Variants in XAF1 observed in about 807,000 individuals in gnomAD.
XAF1 encodes XIAP-associated factor 1.
A neutral mutation model predicts 32.3 loss-of-function variants in XAF1; 32 were observed. The ratio of observed to expected loss-of-function variants is 0.99; its 90% CI spans 0.75 to 1.33. The LOEUF is 1.33. Ranked by LOEUF, XAF1 falls within the 40% of genes most tolerant of loss-of-function variation. XAF1 has a pLI of 0.00. For synonymous variants in XAF1, 120 were observed against 125.9 expected, an observed-to-expected ratio of 0.95 and a Z score of 0.31; for missense variants, 379 against 366.0, an observed-to-expected ratio of 1.04 and a Z score of -0.29.
intron 1 of XAF1, 48 bp downstream of exon 1, chr17:6,756,158 G>C: frequency 2.5e-6 from 4 of 1,613,744 alleles, no homozygotes; most frequent in Non-Finnish European, 3.4e-6. Context: ...GCGAGGGAGA[G>C]ACGTAGACGA....
chr17:6,772,237 T>TA (rs889095314), intron 6 of XAF1, among the ~76,000 whole-genome samples: 1 of 152,096 alleles, frequency 6.6e-6, no homozygotes, highest in African/African-American at 2.4e-5. Context: ...ATTTAGCAAA[T>TA]AAAAATACAG....
chr17:6,770,141 G>A (rs1975908643), intron 5 of XAF1, among the ~76,000 whole-genome samples: 1 of 152,216 alleles, frequency 6.6e-6, no homozygotes, highest in African/African-American at 2.4e-5. Context: ...GGATGCCACA[G>A]ACAGAGTAAT....
chr17:6,770,148 TA>T (rs1181029647), intron 5 of XAF1, among the ~76,000 whole-genome samples: 1 of 152,060 alleles, frequency 6.6e-6, no homozygotes, highest in African/African-American at 2.4e-5. Flanking sequence ...ACAGACAGAG[TA>T]ATAATAAAGA....
intron 5 of XAF1, among the ~76,000 whole-genome samples, chr17:6,763,650 A>G (rs998656938): frequency 6.6e-6 from 1 of 152,054 alleles, no homozygotes; most frequent in Admixed American, 6.6e-5. Flanking sequence ...GTTGGTAAAC[A>G]TTCGGATTGT....
intron 5 of XAF1, among the ~76,000 whole-genome samples, chr17:6,769,133 T>C (rs1378956084): frequency 1.3e-5 from 2 of 152,160 alleles, no homozygotes; most frequent in African/African-American, 4.8e-5. Flanking sequence ...CTATCTCTTA[T>C]ATTCTGGGTA....
At chr17:6,765,687 C>G (rs911064302) in intron 5 of XAF1, among the ~76,000 whole-genome samples, 1 of 152,192 alleles carries the variant, frequency 6.6e-6, no homozygotes, top group African/African-American at 2.4e-5. Context: ...CTCTCGACTT[C>G]TCTTTCCCTC....
At chr17:6,761,829 C>G in intron 4 of XAF1, 1 of 1,357,066 alleles carries the variant, frequency 7.4e-7, no homozygotes, top group Admixed American at 2.2e-5. Context: ...AATGAAAGAG[C>G]ACAGTCAGAA....
At chr17:6,757,750 T>C (rs1428488062) in intron 1 of XAF1, among the ~76,000 whole-genome samples, 2 of 139,820 alleles carry the variant, frequency 1.4e-5, no homozygotes, top group Non-Finnish European at 3.1e-5. Flanking sequence ...GCCTAAGTTA[T>C]ATACATCCAT....
In XAF1 at chr17:6,775,050, A is replaced by G. The variant is rs1273686617; in HGVS notation, c.*1881A>G. 1 of 152,216 alleles carries G rather than the reference A, an allele frequency of 6.6e-6. No homozygotes were observed. Among genetic ancestry groups the G allele is most frequent in the Non-Finnish European group, 1.5e-5 (1 of 68,086 alleles). The allele number at this position is 152,216 out of a possible 1,614,324, so 9.4% of individuals were successfully genotyped here. A position where few individuals can be genotyped will look rare whatever the true frequency, so the allele number is the denominator to read the frequency against. On this transcript the variant is annotated 3_prime_UTR_variant, in exon 7 of 7. Coordinates refer to ENST00000361842, the MANE Select transcript of XAF1 (RefSeq NM_017523.5). The stretch of plus-strand genomic sequence containing the variant: ...AGCGAGACTCTGCCTTAAAAAAAAA[A>G]AAAAGAAAATGTGGCACATATACAC...
At chr17:6,759,613 G>A (rs770013852) in intron 2 of XAF1, 49 bp from the exon 3 acceptor site, 3 of 1,605,888 alleles carry the variant, frequency 1.9e-6, no homozygotes, top group African/African-American at 2.7e-5. Flanking sequence ...CCTGGGTGCT[G>A]GGTGGACCCA....
At chr17:6,766,119 C>A (rs1385732520) in intron 5 of XAF1, among the ~76,000 whole-genome samples, 2 of 152,180 alleles carry the variant, frequency 1.3e-5, no homozygotes, top group Non-Finnish European at 2.9e-5. Flanking sequence ...TCTCTCACTT[C>A]TCTCAAGTCT....
intron 5 of XAF1, among the ~76,000 whole-genome samples, chr17:6,763,685 T>C (rs1975387526): frequency 6.6e-6 from 1 of 152,152 alleles, no homozygotes; most frequent in African/African-American, 2.4e-5. Flanking sequence ...TCTTTGCTTT[T>C]TGAAGTGCAG....
intron 5 of XAF1, among the ~76,000 whole-genome samples, chr17:6,764,320 A>G (rs1038906168): frequency 3.3e-5 from 5 of 152,096 alleles, no homozygotes; most frequent in Non-Finnish European, 5.9e-5. Context: ...TGCCTCTCTA[A>G]AGCCTATCCC....
At chr17:6,768,672 C>T (rs546276662) in intron 5 of XAF1, among the ~76,000 whole-genome samples, 14 of 152,236 alleles carry the variant, frequency 9.2e-5, no homozygotes, top group Non-Finnish European at 2.1e-4. Flanking sequence ...GATTATTCCA[C>T]TGCCATCCCA....
In XAF1 at chr17:6,758,109, C is replaced by A; in HGVS notation, c.53C>A (p.Ala18Asp). ...TGTAGTAAAAGACATGTAGTCTCTG[C>A]CAACTTCACCCTCCATGAGGCTTAC... Reference protein sequence around the residue: ...CRNCKRHVVSANFTLHEAYCL... With the variant: ...CRNCKRHVVSDNFTLHEAYCL... The change falls in exon 2 of 7, where the codon GCC becomes GAC. Residue 18 changes from alanine (A) to aspartate (D), a missense_variant. By Grantham distance (126) the Ala-to-Asp change is moderately radical. Coordinates refer to ENST00000361842, the MANE Select transcript of XAF1 (RefSeq NM_017523.5). 1 of 1,614,214 alleles carries A rather than the reference C, an allele frequency of 6.2e-7. No individual in the cohort carries two copies. The highest frequency in any genetic ancestry group is 8.5e-7 in the Non-Finnish European group (1 of 1,180,030).
intron 6 of XAF1, chr17:6,772,898 T>G: frequency 2.1e-6 from 1 of 483,046 alleles, no homozygotes; most frequent in Non-Finnish European, 3.6e-6. Flanking sequence ...CATCTGTCCC[T>G]CCACCCAGTG....
Position 6,773,817 on chromosome 17 carries a change from T to C in XAF1, c.*648T>C, listed in dbSNP as rs1431738824. On this transcript the variant is annotated 3_prime_UTR_variant, in exon 7 of 7. Transcript: ENST00000361842. ...CTATTCACAATTGCCACAAAAAGAATAAAATACCTAGGAATACAGCTAACC... is the reference window on the plus strand; with the variant it reads ...CTATTCACAATTGCCACAAAAAGAACAAAATACCTAGGAATACAGCTAACC... The C allele has an allele frequency of 6.6e-6, 1 of 151,846 alleles. No homozygotes were observed. Among genetic ancestry groups the C allele is most frequent in the African/African-American group, 2.4e-5 (1 of 41,300 alleles). The allele number at this position is 151,846 out of a possible 1,614,324, so 9.4% of individuals were successfully genotyped here.
At position 6,770,742 on chromosome 17, in the gene XAF1, A is replaced by G; in HGVS notation, c.607A>G (p.Thr203Ala). ...TCCAAGTCAAGCTGCTGAAAATCAA[A>G]CTTCCACGATGGAGAAAGATGTTCG... is the stretch of plus-strand genomic sequence containing the variant. ...SLPSQAAENQ[T>A]STMEKDVRPK... Residue 203 changes from threonine to alanine, a missense_variant, in exon 6 of 7, where the codon ACT (threonine) becomes GCT (alanine). Thr to Ala is a moderately conservative substitution (Grantham distance 58). Coordinates refer to ENST00000361842, the MANE Select transcript of XAF1 (RefSeq NM_017523.5). The G allele has an allele frequency of 6.2e-7, 1 of 1,614,004 alleles. No individual in the cohort carries two copies. Among genetic ancestry groups the G allele is most frequent in the South Asian group, 1.1e-5 (1 of 90,964 alleles).
At chr17:6,767,880 A>G (rs985527557) in intron 5 of XAF1, among the ~76,000 whole-genome samples, 1 of 152,188 alleles carries the variant, frequency 6.6e-6, no homozygotes, top group Non-Finnish European at 1.5e-5. Context: ...TACCCTTAAC[A>G]TTTTAATATA....
Sources: allele counts gnomAD v4.1 joint callset (sites outside exome capture counted in the v4.1 genomes callset), GRCh38; gene constraint gnomAD v4.1.1; transcripts MANE v1.5; gene names NCBI Gene and HGNC (gene_info 2026-07-23, HGNC 2026-07-21).